The following SORCS2 variants were observed in gnomAD, a reference collection of about 807,000 sequenced individuals.
SORCS2 encodes the protein VPS10 domain-containing receptor SorCS2.
SORCS2 carries 100 observed loss-of-function variants against 141.6 expected under a neutral mutation model. The ratio of observed to expected loss-of-function variants is 0.71; its 90% CI spans 0.60 to 0.83. The LOEUF (loss-of-function observed/expected upper bound fraction) is 0.83. Among genes scored for constraint, SORCS2 ranks in the 40% least tolerant of loss-of-function variants. SORCS2 has a pLI of 0.00. For missense variants in SORCS2, 1,646 were observed against 1,560.2 expected, an observed-to-expected ratio of 1.05 and a Z score of -0.93; for synonymous variants, 789 against 676.9, an observed-to-expected ratio of 1.17 and a Z score of -2.57.
intron 1 of SORCS2, among the ~76,000 whole-genome samples, chr4:7,219,607 G>A (rs915066746): frequency 3.3e-5 from 5 of 152,190 alleles, no homozygotes; most frequent in African/African-American, 1.2e-4. Flanking sequence ...GTACAGCAGG[G>A]GAAATGCCAG....
chr4:7,316,094 C>T (rs1245262837), intron 1 of SORCS2, among the ~76,000 whole-genome samples: 1 of 152,058 alleles, frequency 6.6e-6, no homozygotes, highest in East Asian at 1.9e-4. Flanking sequence ...ATCCATCTAT[C>T]CATCCATCCT....
At chr4:7,686,845 C>G (rs899390223) in intron 10 of SORCS2, among the ~76,000 whole-genome samples, 1 of 152,240 alleles carries the variant, frequency 6.6e-6, no homozygotes, top group African/African-American at 2.4e-5. Flanking sequence ...GTTTGGCCGT[C>G]AGCAGGCCGC....
intron 2 of SORCS2, among the ~76,000 whole-genome samples, chr4:7,420,414 G>A (rs1725962230): frequency 6.6e-6 from 1 of 152,232 alleles, no homozygotes; most frequent in African/African-American, 2.4e-5. Flanking sequence ...TCCTGGCTGG[G>A]CACAGGTCCC....
At chr4:7,269,961 C>A (rs1715005879) in intron 1 of SORCS2, among the ~76,000 whole-genome samples, 3 of 152,188 alleles carry the variant, frequency 2.0e-5, no homozygotes. Flanking sequence ...CTCACTGCAA[C>A]CTCTGCCTCC....
At chr4:7,399,737 G>T (rs1724451495) in intron 2 of SORCS2, among the ~76,000 whole-genome samples, 1 of 152,192 alleles carries the variant, frequency 6.6e-6, no homozygotes, top group Admixed American at 6.5e-5. Context: ...GTTGAGCAAA[G>T]CCCAATGTGT....
chr4:7,561,271 C>A (rs561298817), intron 3 of SORCS2, among the ~76,000 whole-genome samples: 2 of 152,264 alleles, frequency 1.3e-5, no homozygotes, highest in South Asian at 4.2e-4. Flanking sequence ...TCTATTGGAT[C>A]TGAGGTCTAG....
At chr4:7,214,617 AC>A (rs1728219645) in intron 1 of SORCS2, among the ~76,000 whole-genome samples, 1 of 152,198 alleles carries the variant, frequency 6.6e-6, no homozygotes, top group Non-Finnish European at 1.5e-5. Flanking sequence ...CCTGGGATAG[AC>A]TCACAGGATC....
At chr4:7,701,960 G>T (rs576201528) in intron 12 of SORCS2, among the ~76,000 whole-genome samples, 1 of 152,174 alleles carries the variant, frequency 6.6e-6, no homozygotes, top group African/African-American at 2.4e-5. Flanking sequence ...GCTAGGAAGG[G>T]GTCAGCCGAG....
intron 1 of SORCS2, among the ~76,000 whole-genome samples, chr4:7,242,147 C>T (rs1225878977): frequency 2.0e-5 from 3 of 152,166 alleles, no homozygotes; most frequent in Admixed American, 1.3e-4. Context: ...CTTAGGAAAG[C>T]GGCTGCGTGA....
At chr4:7,506,949 C>T (rs1024405827) in intron 2 of SORCS2, among the ~76,000 whole-genome samples, 1 of 151,238 alleles carries the variant, frequency 6.6e-6, no homozygotes, top group Non-Finnish European at 1.5e-5. Flanking sequence ...GGAAGATTTC[C>T]ACAAAGGTCA....
intron 2 of SORCS2, chr4:7,433,311 C>T (rs545052742): frequency 3.3e-5 from 45 of 1,374,898 alleles, no homozygotes; most frequent in African/African-American, 2.9e-4. Context: ...CTGGCAGCCA[C>T]GGTCACGCGT....
intron 1 of SORCS2, among the ~76,000 whole-genome samples, chr4:7,229,841 T>C (rs1000252999): frequency 1.4e-5 from 2 of 140,604 alleles, no homozygotes; most frequent in Non-Finnish European, 3.0e-5. Context: ...ATGAAGGAGA[T>C]GAAGATGGTC....
chr4:7,290,048 T>G (rs1716505405), intron 1 of SORCS2, among the ~76,000 whole-genome samples: 2 of 152,156 alleles, frequency 1.3e-5, no homozygotes, highest in African/African-American at 4.8e-5. Flanking sequence ...GGGAGACCTT[T>G]GCTGCCTCTG....
intron 2 of SORCS2, among the ~76,000 whole-genome samples, chr4:7,488,868 T>C (rs996413019): frequency 6.6e-6 from 1 of 152,228 alleles, no homozygotes; most frequent in Non-Finnish European, 1.5e-5. Flanking sequence ...ATGAGCCTGG[T>C]TTACATGCTT....
At chr4:7,641,427 G>A (rs1560449326) in intron 4 of SORCS2, among the ~76,000 whole-genome samples, 1 of 152,112 alleles carries the variant, frequency 6.6e-6, no homozygotes, top group Non-Finnish European at 1.5e-5. Flanking sequence ...GAACAGCATG[G>A]GGGAAACTGC....
intron 4 of SORCS2, among the ~76,000 whole-genome samples, chr4:7,639,004 C>T (rs1720455385): frequency 6.6e-6 from 1 of 152,156 alleles, no homozygotes; most frequent in Non-Finnish European, 1.5e-5. Flanking sequence ...AGGCTTTGTC[C>T]CCCGGTGAGT....
At position 7,663,017 on chromosome 4, in the gene SORCS2, G is replaced by T. The variant is rs1722273853; in HGVS notation, c.953-1336G>T. Among the ~76,000 whole-genome samples the T allele has an allele frequency of 6.6e-6, 1 of 150,992 alleles. No homozygotes were observed. Among genetic ancestry groups the T allele is most frequent in the African/African-American group, 2.4e-5 (1 of 41,032 alleles). On this transcript the variant is annotated intron_variant, in intron 6 of 26. Coordinates refer to ENST00000507866, the MANE Select transcript of SORCS2 (RefSeq NM_020777.3). This position sits in a 1 kb window ranked among gnomAD's most constrained non-coding sequence, Gnocchi z 4.8. ...GAGCGAGTGAGTGGATGAGTGAGTG[G>T]GTGAATGAGTGAATAGGTGTGTGAG... is the stretch of plus-strand genomic sequence containing the variant.
At chr4:7,520,522 G>A (rs1733260250) in intron 2 of SORCS2, among the ~76,000 whole-genome samples, 1 of 152,230 alleles carries the variant, frequency 6.6e-6, no homozygotes, top group Non-Finnish European at 1.5e-5. Context: ...CGATCTGCTA[G>A]TGAGTGTCAC....
intron 5 of SORCS2, among the ~76,000 whole-genome samples, chr4:7,660,241 A>C (rs894382698): frequency 1.3e-5 from 2 of 152,178 alleles, no homozygotes; most frequent in Non-Finnish European, 2.9e-5. Flanking sequence ...CAGGGCAATG[A>C]AACGGGGAGG....
Sources: allele counts gnomAD v4.1 joint callset (sites outside exome capture counted in the v4.1 genomes callset), GRCh38; gene constraint gnomAD v4.1.1; non-coding constraint Gnocchi (gnomAD v3.1); transcripts MANE v1.5; gene names NCBI Gene and HGNC (gene_info 2026-07-23, HGNC 2026-07-21).